Variants in MTRR observed in about 807,000 individuals in gnomAD.
The protein encoded by MTRR is 5-methyltetrahydrofolate-homocysteine methyltransferase reductase.
MTRR carries 63 observed loss-of-function variants against 79.2 expected under a neutral mutation model. That is an observed-to-expected ratio of 0.80 (90% confidence interval 0.65 to 0.98). The LOEUF is 0.98. Among genes scored for constraint, MTRR ranks in the 50% least tolerant of loss-of-function variants. The probability of loss-of-function intolerance (pLI) is 0.00; values close to 1 mark genes in which losing one functional copy is unlikely to be tolerated. For synonymous variants in MTRR, 355 were observed against 313.3 expected (o/e 1.13, Z -1.41); for missense variants, 895 against 839.6 (o/e 1.07, Z -0.82).
chr5:7,863,851 T>C (rs760782424), intron 2 of MTRR, among the ~76,000 whole-genome samples: 2 of 152,070 alleles, frequency 1.3e-5, no homozygotes, highest in Non-Finnish European at 2.9e-5. Flanking sequence ...TTTTTGTTTG[T>C]TTTTGTTTTT....
chr5:7,856,208 G>A (rs1237511810), intron 1 of MTRR, among the ~76,000 whole-genome samples: 1 of 152,174 alleles, frequency 6.6e-6, no homozygotes, highest in Non-Finnish European at 1.5e-5. Flanking sequence ...CAATTGAGGG[G>A]GATATTGAAG....
chr5:7,875,344 T>C lies in MTRR; in HGVS notation c.370T>C (p.Tyr124His). ...RLQELGARHF[Y>H]DTGHADDCVG... Reference sequence around the variant, plus strand: ...TCAAGAGCTTGGAGCCCGGCATTTCTATGACACTGGACATGCAGATGACTG... The same window carrying C: ...TCAAGAGCTTGGAGCCCGGCATTTCCATGACACTGGACATGCAGATGACTG... The change falls in exon 4 of 15, where the codon TAT becomes CAT. Residue 124 changes from tyrosine (Y) to histidine (H), a missense_variant. Physicochemically the swap from Tyr to His is moderately conservative, Grantham distance 83 (BLOSUM62 2). Transcript: ENST00000440940. 1 of 1,613,690 alleles carries C rather than the reference T, an allele frequency of 6.2e-7. No individual in the cohort carries two copies. Among genetic ancestry groups the C allele is most frequent in the Admixed American group, 1.7e-5 (1 of 60,022 alleles).
Position 7,878,044 on chromosome 5 carries a change from C to T in MTRR, c.502C>T (p.Pro168Ser), listed in dbSNP as rs1156730016. ...ACAAGAGGAGATAAGTGGCGCACTC[C>T]CGGTGGCATCACCTGCATCCTCGAG... The part of the protein sequence containing the change: ...RGQEEISGAL[P>S]VASPASSRTD... Residue 168 changes from proline (P) to serine (S), a missense_variant, in exon 5 of 15, where the codon CCG (proline) becomes TCG (serine). By Grantham distance (74) the Pro-to-Ser change is moderately conservative. Coordinates refer to ENST00000440940, the MANE Select transcript of MTRR (RefSeq NM_002454.3). 3.1e-6 allele frequency: 5 copies of T among 1,613,646 alleles called. No homozygotes were observed. Among genetic ancestry groups the T allele is most frequent in the East Asian group, 2.2e-5 (1 of 44,836 alleles).
chr5:7,894,219 C>G (rs181565054), intron 11 of MTRR, among the ~76,000 whole-genome samples: 2 of 152,310 alleles, frequency 1.3e-5, no homozygotes, highest in Non-Finnish European at 2.9e-5. Flanking sequence ...CTGAAATTAC[C>G]TGTGCTTGTG....
intron 5 of MTRR, among the ~76,000 whole-genome samples, chr5:7,882,688 T>C (rs1735765747): frequency 6.6e-6 from 1 of 152,180 alleles, no homozygotes; most frequent in African/African-American, 2.4e-5. Context: ...TAATAATTAG[T>C]TTCTTAGTGA....
intron 4 of MTRR, among the ~76,000 whole-genome samples, chr5:7,875,798 G>A (rs1039287018): frequency 3.3e-5 from 5 of 152,344 alleles, no homozygotes; most frequent in Middle Eastern, 3.4e-3. Context: ...CAGGTCTGTG[G>A]GCCTTCGCTG....
chr5:7,880,344 C>T (rs1735378649), intron 5 of MTRR, among the ~76,000 whole-genome samples: 1 of 152,224 alleles, frequency 6.6e-6, no homozygotes. Context: ...GCAAAGTGAA[C>T]TGTTTCTGAT....
At chr5:7,897,956 G>A (rs1019366726) in intron 14 of MTRR, among the ~76,000 whole-genome samples, 4 of 151,996 alleles carry the variant, frequency 2.6e-5, no homozygotes, top group South Asian at 2.1e-4. Flanking sequence ...CAAAATACTG[G>A]CATCGTGACC....
chr5:7,886,513 G>A, intron 7 of MTRR, 102 bp from the exon 8 acceptor site: 1 of 913,356 alleles, frequency 1.1e-6, no homozygotes, highest in South Asian at 1.4e-5. Context: ...GCACTTTGAT[G>A]CGCTGTAAAG....
chr5:7,868,487 C>T (rs1267076320), upstream of MTRR, among the ~76,000 whole-genome samples: 1 of 152,108 alleles, frequency 6.6e-6, no homozygotes, highest in African/African-American at 2.4e-5. Flanking sequence ...AAGGGTGGCC[C>T]TTAAATGTTG....
upstream of MTRR, chr5:7,867,997 A>T: frequency 6.2e-7 from 1 of 1,614,146 alleles, no homozygotes; most frequent in Admixed American, 1.7e-5. Context: ...CATGATTTAG[A>T]GGTTTATTTT....
upstream of MTRR, chr5:7,867,781 C>T (rs1747113995): frequency 6.2e-7 from 1 of 1,614,106 alleles, no homozygotes; most frequent in South Asian, 1.1e-5. Context: ...TCCTGTAAAA[C>T]ATCTGACTCT....
chr5:7,896,845 T>A lies in MTRR; in HGVS notation c.1677-19T>A. The stretch of plus-strand genomic sequence containing the variant: ...TATTCTTTATATCACACACCTAAAC[T>A]TTTTTTTTTTCCACTTAGAGAGAAA... On this transcript the variant is annotated intron_variant, in intron 12 of 14. Coordinates refer to ENST00000440940, the MANE Select transcript of MTRR (RefSeq NM_002454.3). 3 of 1,019,064 alleles carry A rather than the reference T, an allele frequency of 2.9e-6. No individual in the cohort carries two copies. Among genetic ancestry groups the A allele is most frequent in the Non-Finnish European group, 1.4e-6 (1 of 717,754 alleles). The allele number at this position is 1,019,064 out of a possible 1,614,324, so 63.1% of individuals were successfully genotyped here. A position where few individuals can be genotyped will look rare whatever the true frequency, so the allele number is the denominator to read the frequency against.
chr5:7,869,027 G>A (rs375444705), upstream of MTRR: 4 of 1,356,180 alleles, frequency 2.9e-6, no homozygotes, highest in African/African-American at 2.9e-5. Context: ...GCGCCTGGGC[G>A]TCGTGGGCCT....
intron 7 of MTRR, 84 bp from the exon 8 acceptor site, chr5:7,886,531 G>A: frequency 9.5e-7 from 1 of 1,050,948 alleles, no homozygotes; most frequent in Admixed American, 1.7e-5. Context: ...AAGTACTACA[G>A]TAATTGTGTT....
At chr5:7,861,920 C>T in intron 1 of MTRR, 1 of 371,592 alleles carries the variant, frequency 2.7e-6, no homozygotes, top group African/African-American at 2.1e-5. Context: ...TGACAAGAAC[C>T]ATGCATGCTT....
chr5:7,898,369 T>C (rs754289254), intron 14 of MTRR, among the ~76,000 whole-genome samples: 1 of 152,142 alleles, frequency 6.6e-6, no homozygotes, highest in Non-Finnish European at 1.5e-5. Context: ...TTGGAGAATA[T>C]CTTAAATGTC....
chr5:7,861,532 T>G, intron 1 of MTRR: 1 of 1,320,358 alleles, frequency 7.6e-7, no homozygotes, highest in Non-Finnish European at 1.0e-6. Context: ...TACCGCTGCT[T>G]ATTAGCCTCA....
At chr5:7,897,668 C>A (rs180674476) in intron 14 of MTRR, among the ~76,000 whole-genome samples, 4 of 152,110 alleles carry the variant, frequency 2.6e-5, no homozygotes, top group Non-Finnish European at 5.9e-5. Flanking sequence ...TACTAGGATT[C>A]TTTTTCTGCT....
Sources: gnomAD v4.1 joint callset for allele counts (sites outside exome capture counted in the v4.1 genomes callset) on GRCh38, gnomAD v4.1.1 for gene constraint, MANE v1.5 for transcripts, NCBI Gene and HGNC (gene_info 2026-07-23, HGNC 2026-07-21) for gene names.